The following ZC3H18 variants were observed in gnomAD, a reference collection of about 807,000 sequenced individuals.
ZC3H18 encodes the protein zinc finger CCCH-type containing 18.
Under a neutral mutation model 106.1 loss-of-function variants are expected in ZC3H18, and 8 were observed. The observed-to-expected ratio is 0.08, with a 90% CI of 0.04 to 0.14. ZC3H18 has a LOEUF of 0.14. ZC3H18 is among the 10% of genes least tolerant of loss of function. The pLI is 1.00. For synonymous variants in ZC3H18, 635 were observed against 522.1 expected (o/e 1.22, Z -2.95); for missense variants, 1,318 against 1,278.4 (o/e 1.03, Z -0.47).
intron 1 of ZC3H18, among the ~76,000 whole-genome samples, chr16:88,576,854 G>T (rs559533439): frequency 1.3e-5 from 2 of 152,234 alleles, no homozygotes; most frequent in African/African-American, 2.4e-5. Context: ...GCCAGGCTGC[G>T]TCTCCTTCTG....
intron 6 of ZC3H18, among the ~76,000 whole-genome samples, chr16:88,600,689 A>T (rs1904702487): frequency 6.6e-6 from 1 of 152,220 alleles, no homozygotes; most frequent in Admixed American, 6.5e-5. Context: ...CTGGGACTAC[A>T]GGCGTGAACC....
intron 2 of ZC3H18, among the ~76,000 whole-genome samples, chr16:88,584,899 C>G (rs976205028): frequency 1.3e-5 from 2 of 152,236 alleles, no homozygotes; most frequent in African/African-American, 4.8e-5. Context: ...CCTACACGCT[C>G]ACTTCCAAGT....
chr16:88,588,488 G>A (rs1169805539), intron 3 of ZC3H18, among the ~76,000 whole-genome samples: 1 of 152,176 alleles, frequency 6.6e-6, no homozygotes, highest in Admixed American at 6.5e-5. Context: ...ACAGAGAGAT[G>A]GTTACTGGAA....
rs1231969364 is a variant in ZC3H18, at chr16:88,631,778, C to G, written c.*479C>G. The G allele has an allele frequency of 3.0e-6, 1 of 332,754 alleles. No individual in the cohort carries two copies. Among genetic ancestry groups the G allele is most frequent in the East Asian group, 9.5e-5 (1 of 10,524 alleles). 20.6% of individuals were successfully genotyped at this position (332,754 alleles called of 1,614,324 possible). A position where few individuals can be genotyped will look rare whatever the true frequency, so the allele number is the denominator to read the frequency against. ...CCCGGATCAGAAATATATCTATATTCTCGACTAAAGTCTCATCAGGAAATA... is the reference window on the plus strand; with the variant it reads ...CCCGGATCAGAAATATATCTATATTGTCGACTAAAGTCTCATCAGGAAATA... On this transcript the variant is annotated 3_prime_UTR_variant, in exon 18 of 18. Transcript: ENST00000301011.
chr16:88,616,527 C>T (rs1020061796), intron 8 of ZC3H18, among the ~76,000 whole-genome samples: 1 of 152,190 alleles, frequency 6.6e-6, no homozygotes, highest in Non-Finnish European at 1.5e-5. Context: ...CTGCCAGGCC[C>T]GCTACCTGCC....
chr16:88,601,790 T>C lies in ZC3H18; in HGVS notation c.1088+1842T>C, dbSNP rs1026425086. On this transcript the variant is annotated intron_variant, in intron 6 of 17. Transcript: ENST00000301011. Reference sequence around the variant, plus strand: ...TGTATGTTACAGTTAACCTGAGGCCTTTTGTGCCATGCCTCCCCCGAGACC... The same window carrying C: ...TGTATGTTACAGTTAACCTGAGGCCCTTTGTGCCATGCCTCCCCCGAGACC... Among the ~76,000 whole-genome samples, 129 of 152,300 alleles carry C rather than the reference T, an allele frequency of 8.5e-4. 1 individual carries two copies. Among genetic ancestry groups the C allele is most frequent in the Non-Finnish European group, 1.4e-3 (94 of 68,008 alleles).
intron 8 of ZC3H18, among the ~76,000 whole-genome samples, chr16:88,618,040 C>T (rs1479490187): frequency 2.0e-5 from 3 of 152,370 alleles, no homozygotes; most frequent in Admixed American, 6.5e-5. Flanking sequence ...TTTTCATGTG[C>T]AGTTGAACGC....
chr16:88,628,523 G>T lies in ZC3H18; in HGVS notation c.2470-235G>T. ...CCTCCTAGAGTGGCCCCCGTGGGGA[G>T]CAGGAAGGCCTGCAGGGTGCTTCCC... On this transcript the variant is annotated intron_variant, in intron 15 of 17. Coordinates refer to ENST00000301011, the MANE Select transcript of ZC3H18 (RefSeq NM_144604.4). The T allele has an allele frequency of 7.1e-6, 4 of 567,146 alleles. No individual in the cohort carries two copies. In the South Asian group the frequency reaches 8.2e-5, roughly 12 times the overall value. The allele number at this position is 567,146 out of a possible 1,614,324, so 35.1% of individuals were successfully genotyped here. A position where few individuals can be genotyped will look rare whatever the true frequency, so the allele number is the denominator to read the frequency against.
In ZC3H18 at chr16:88,619,554, G is replaced by C. The variant is rs144214304; in HGVS notation, c.1476-2643G>C. ...TCTGGCCATCTTCATTTTGAAATTC[G>C]GTATCATTGTCTCCAGAGGGAATGA... On this transcript the variant is annotated intron_variant, in intron 8 of 17. Transcript: ENST00000301011. 3.9e-4 allele frequency among the ~76,000 whole-genome samples: 60 copies of C among 152,288 alleles called. No homozygotes were observed. The East Asian group carries it at 0.011, about 27-fold the overall frequency.
At chr16:88,623,391 A>C in intron 10 of ZC3H18, 47 bp downstream of exon 10, 1 of 1,600,744 alleles carries the variant, frequency 6.2e-7, no homozygotes, top group Non-Finnish European at 8.5e-7. Context: ...TGCAGTGAGC[A>C]AGGGCACCTG....
At chr16:88,578,303 C>T (rs1461853445) in intron 2 of ZC3H18, among the ~76,000 whole-genome samples, 1 of 152,204 alleles carries the variant, frequency 6.6e-6, no homozygotes, top group African/African-American at 2.4e-5. Context: ...AAAGCCAGCA[C>T]ACTTTTTTGT....
intron 3 of ZC3H18, among the ~76,000 whole-genome samples, chr16:88,589,779 A>G (rs1915635173): frequency 6.6e-6 from 1 of 152,200 alleles, no homozygotes. Context: ...CGGAAAGTAG[A>G]TTGATTCCTC....
intron 3 of ZC3H18, among the ~76,000 whole-genome samples, chr16:88,593,031 G>A (rs538418758): frequency 1.3e-5 from 2 of 152,318 alleles, no homozygotes; most frequent in Non-Finnish European, 2.9e-5. Context: ...GTTACGCACA[G>A]TAAGAGATTA....
chr16:88,603,684 G>T (rs577081364), intron 6 of ZC3H18, among the ~76,000 whole-genome samples: 1 of 148,780 alleles, frequency 6.7e-6, no homozygotes, highest in Non-Finnish European at 1.5e-5. Flanking sequence ...GTGCAGTGGC[G>T]CAATCTGGGC....
At position 88,577,198 on chromosome 16, in the gene ZC3H18, C is replaced by T. The variant is rs757695238; in HGVS notation, c.75C>T (p.Asp25=). ...EDEEQPQGLS[D]DDILRDSGSD... The stretch of plus-strand genomic sequence containing the variant: ...AAGAGCAGCCACAGGGACTCTCGGA[C>T]GATGACATTCTGAGGGACAGCGGGT... The change falls in exon 2 of 18, where the codon GAC becomes GAT. Residue 25 remains aspartate, a synonymous_variant. Coordinates refer to ENST00000301011, the MANE Select transcript of ZC3H18 (RefSeq NM_144604.4). 41 of 1,610,760 alleles carry T rather than the reference C, an allele frequency of 2.5e-5. No individual in the cohort carries two copies. The East Asian group carries it at 5.4e-4, about 21-fold the overall frequency.
intron 1 of ZC3H18, among the ~76,000 whole-genome samples, chr16:88,576,881 C>T (rs1387707466): frequency 6.6e-6 from 1 of 152,164 alleles, no homozygotes; most frequent in Non-Finnish European, 1.5e-5. Flanking sequence ...CTCATTTTGC[C>T]AGATTGCCAA....
At chr16:88,611,579 G>A (rs767327582) in intron 8 of ZC3H18, 43 bp downstream of exon 8, 73 of 1,539,658 alleles carry the variant, frequency 4.7e-5, no homozygotes, top group African/African-American at 1.1e-4. Flanking sequence ...GGGGAGGTCC[G>A]GCATGCAGCT....
intron 2 of ZC3H18, among the ~76,000 whole-genome samples, chr16:88,582,714 A>C (rs1023715204): frequency 2.0e-5 from 3 of 152,160 alleles, no homozygotes; most frequent in Middle Eastern, 3.2e-3. Flanking sequence ...CCACATAGCC[A>C]CATGAAAAAG....
chr16:88,614,802 C>G (rs1309527000), intron 8 of ZC3H18, among the ~76,000 whole-genome samples: 1 of 152,258 alleles, frequency 6.6e-6, no homozygotes, highest in African/African-American at 2.4e-5. Context: ...CCCTACAGCA[C>G]ACACAGTATT....
Sources: gnomAD v4.1 joint callset for allele counts (sites outside exome capture counted in the v4.1 genomes callset) on GRCh38, gnomAD v4.1.1 for gene constraint, MANE v1.5 for transcripts, NCBI Gene and HGNC (gene_info 2026-07-23, HGNC 2026-07-21) for gene names.